The following DIAPH3 variants were observed in gnomAD, a reference collection of about 807,000 sequenced individuals.
DIAPH3 encodes protein diaphanous homolog 3.
A neutral mutation model predicts 144.3 loss-of-function variants in DIAPH3; 117 were observed. That is an observed-to-expected ratio of 0.81 (90% CI 0.70 to 0.95). The LOEUF (loss-of-function observed/expected upper bound fraction) is 0.95, where lower values mean the gene tolerates loss of function less well. Ranked by LOEUF, DIAPH3 falls within the 40% of genes least tolerant of loss-of-function variation. DIAPH3 has a pLI of 0.00. For synonymous variants in DIAPH3, 519 were observed against 488.9 expected, an observed-to-expected ratio of 1.06 and a Z score of -0.81; for missense variants, 1,421 against 1,412.7, an observed-to-expected ratio of 1.01 and a Z score of -0.09.
Position 59,991,268 on chromosome 13 carries a change from T to C in DIAPH3, c.1251A>G (p.Ala417=). ...LEDIRAELDE[A]YDVYNMVWST... ...TCCACACCATGTTGTAAACATCATATGCTTCAGTGAGTTGATTAAGGAATA... is the reference window on the plus strand; with the variant it reads ...TCCACACCATGTTGTAAACATCATACGCTTCAGTGAGTTGATTAAGGAATA... The change falls in exon 12 of 28, where the codon GCA becomes GCG. Residue 417 remains alanine (A), a synonymous_variant. Transcript: ENST00000400324. The C allele has an allele frequency of 1.9e-6, 3 of 1,594,990 alleles. No individual in the cohort carries two copies. Among genetic ancestry groups the C allele is most frequent in the African/African-American group, 1.3e-5 (1 of 74,538 alleles).
chr13:60,058,313 G>A (rs1448079044), intron 4 of DIAPH3, among the ~76,000 whole-genome samples: 1 of 151,714 alleles, frequency 6.6e-6, no homozygotes, highest in African/African-American at 2.4e-5. Context: ...CAATCATCAT[G>A]GAAATGCAAA....
intron 4 of DIAPH3, among the ~76,000 whole-genome samples, chr13:60,091,745 C>T (rs1278226893): frequency 6.6e-6 from 1 of 151,990 alleles, no homozygotes; most frequent in East Asian, 1.9e-4. Context: ...CAAAGAAAAA[C>T]AAACTATTGC....
intron 20 of DIAPH3, among the ~76,000 whole-genome samples, chr13:59,889,146 A>C (rs1402344788): frequency 6.6e-6 from 1 of 151,894 alleles, no homozygotes; most frequent in Non-Finnish European, 1.5e-5. Context: ...CCCTAAGTTT[A>C]TGTTTTTCAC....
At chr13:59,794,159 G>A (rs2139422992) in intron 25 of DIAPH3, among the ~76,000 whole-genome samples, 1 of 152,324 alleles carries the variant, frequency 6.6e-6, no homozygotes, top group Non-Finnish European at 1.5e-5. Flanking sequence ...GCTAGGCTAA[G>A]CTATGATGTT....
chr13:60,129,715 T>C (rs535017278), intron 2 of DIAPH3, among the ~76,000 whole-genome samples: 1 of 152,284 alleles, frequency 6.6e-6, no homozygotes, highest in South Asian at 2.1e-4. Flanking sequence ...ATACATGCAA[T>C]GTGTATGTTG....
At chr13:60,040,906 T>G (rs912829428) in intron 5 of DIAPH3, among the ~76,000 whole-genome samples, 1 of 152,034 alleles carries the variant, frequency 6.6e-6, no homozygotes, top group Non-Finnish European at 1.5e-5. Flanking sequence ...CTCCACCTCC[T>G]AGGTTCAAGC....
chr13:59,809,502 CAA>C (rs58693079), intron 25 of DIAPH3, among the ~76,000 whole-genome samples: 78 of 105,372 alleles, frequency 7.4e-4, no homozygotes, highest in South Asian at 9.1e-4. Context: ...AACTCCATCT[CAA>C]AAAAAAAAAA....
At chr13:59,739,916 G>A (rs1015945442) in intron 27 of DIAPH3, among the ~76,000 whole-genome samples, 2 of 152,090 alleles carry the variant, frequency 1.3e-5, no homozygotes, top group Admixed American at 6.6e-5. Flanking sequence ...GCTGTGCACC[G>A]ACAACTTGAA....
chr13:59,792,270 C>CT (rs1236465559), intron 25 of DIAPH3, among the ~76,000 whole-genome samples: 3 of 152,032 alleles, frequency 2.0e-5, no homozygotes, highest in Non-Finnish European at 2.9e-5. Context: ...CAGGCTGTCA[C>CT]TTTTTTTTCC....
At chr13:59,722,249 C>G (rs1277953343) in intron 27 of DIAPH3, among the ~76,000 whole-genome samples, 1 of 152,122 alleles carries the variant, frequency 6.6e-6, no homozygotes, top group Non-Finnish European at 1.5e-5. Context: ...AGTCTGAGAG[C>G]CTTATGACAT....
At position 59,739,322 on chromosome 13, in the gene DIAPH3, A is replaced by C. The variant is rs1333983922; in HGVS notation, c.3319+34867T>G. Among the ~76,000 whole-genome samples, 10 of 152,348 alleles carry C rather than the reference A, an allele frequency of 6.6e-5. No homozygotes were observed. The East Asian group carries it at 1.7e-3, about 26-fold the overall frequency. On this transcript the variant is annotated intron_variant, in intron 27 of 27. Coordinates refer to ENST00000400324, the MANE Select transcript of DIAPH3 (RefSeq NM_001042517.2). ...ACTGTTGGAGGCTGCATGGTATAAT[A>C]CAAAAACCACATCAAATACAAGAGT...
At chr13:59,742,170 A>G (rs1046238614) in intron 27 of DIAPH3, among the ~76,000 whole-genome samples, 5 of 152,120 alleles carry the variant, frequency 3.3e-5, no homozygotes, top group African/African-American at 1.2e-4. Flanking sequence ...AACCACCCCC[A>G]TGATTTAATT....
At chr13:59,890,960 A>G (rs2045755213) in intron 20 of DIAPH3, among the ~76,000 whole-genome samples, 1 of 148,144 alleles carries the variant, frequency 6.8e-6, no homozygotes, top group African/African-American at 2.4e-5. Context: ...GCATGACATA[A>G]AAGTGCAAAT....
At chr13:59,778,293 A>G (rs904434769) in intron 25 of DIAPH3, among the ~76,000 whole-genome samples, 4 of 152,170 alleles carry the variant, frequency 2.6e-5, no homozygotes, top group African/African-American at 9.7e-5. Flanking sequence ...TAAATTCTTT[A>G]CAATGTTATA....
rs559767177 is a variant in DIAPH3 at position 60,128,292 on chromosome 13, T to C, written c.213+4665A>G. 2.0e-5 allele frequency among the ~76,000 whole-genome samples: 3 copies of C among 152,318 alleles called. No homozygotes were observed. In the East Asian group the frequency reaches 5.8e-4, roughly 29 times the overall value. ...TGCATGGTGTATTAGTACCATACTT[T>C]CTTTATCCAATCTGCCATTGATGGG... On this transcript the variant is annotated intron_variant, in intron 2 of 27. Transcript: ENST00000400324.
intron 4 of DIAPH3, among the ~76,000 whole-genome samples, chr13:60,053,531 T>C (rs915880227): frequency 1.3e-5 from 2 of 152,152 alleles, no homozygotes; most frequent in African/African-American, 4.8e-5. Flanking sequence ...CCCTTTCCCA[T>C]ACCATTTCTG....
chr13:59,821,298 C>A (rs886491961), intron 24 of DIAPH3, among the ~76,000 whole-genome samples: 6 of 151,986 alleles, frequency 3.9e-5, no homozygotes, highest in Non-Finnish European at 8.8e-5. Context: ...TCACACATTC[C>A]CACTAAACAC....
chr13:59,747,221 C>T (rs765371438), intron 27 of DIAPH3, among the ~76,000 whole-genome samples: 6 of 152,066 alleles, frequency 3.9e-5, no homozygotes, highest in East Asian at 3.9e-4. Context: ...CAGTATTATT[C>T]GGGATGATCA....
chr13:59,714,682 T>C (rs543734183), intron 27 of DIAPH3, among the ~76,000 whole-genome samples: 2 of 152,234 alleles, frequency 1.3e-5, no homozygotes, highest in African/African-American at 2.4e-5. Flanking sequence ...ATCCATCCTG[T>C]CTATATCAGT....
Sources: allele counts gnomAD v4.1 joint callset (sites outside exome capture counted in the v4.1 genomes callset), GRCh38; gene constraint gnomAD v4.1.1; transcripts MANE v1.5; gene names NCBI Gene and HGNC (gene_info 2026-07-23, HGNC 2026-07-21).